Variants in COLEC12 observed in about 807,000 individuals in gnomAD.
The protein encoded by COLEC12 is collectin subfamily member 12.
Under a neutral mutation model 71.1 loss-of-function variants are expected in COLEC12, and 33 were observed. The observed-to-expected ratio is 0.46, with a 90% CI of 0.35 to 0.62. COLEC12 has a LOEUF of 0.62. Ranked by LOEUF, COLEC12 falls within the 20% of genes least tolerant of loss-of-function variation. The pLI is 0.00. For missense variants in COLEC12, 765 were observed against 916.1 expected (o/e 0.84, Z 2.13); for synonymous variants, 350 against 353.0 (o/e 0.99, Z 0.10).
rs1319178334 is a variant in COLEC12 at position 362,225 on chromosome 18, G to A, written c.59-4703C>T. Reference sequence around the variant, plus strand: ...AAGAGCTGGGGCACTTCCTCACCGTGTGCATTTCTCACTGCTGACTCTATC... The same window carrying A: ...AAGAGCTGGGGCACTTCCTCACCGTATGCATTTCTCACTGCTGACTCTATC... On this transcript the variant is annotated intron_variant, in intron 2 of 9. Transcript: ENST00000400256. This position sits in a 1 kb window ranked among gnomAD's most constrained non-coding sequence, Gnocchi z 4.6. Among the ~76,000 whole-genome samples the A allele has an allele frequency of 6.6e-6, 1 of 152,156 alleles. No individual in the cohort carries two copies. Among genetic ancestry groups the A allele is most frequent in the African/African-American group, 2.4e-5 (1 of 41,428 alleles).
chr18:432,954 G>A (rs553748868), intron 2 of COLEC12, among the ~76,000 whole-genome samples: 15 of 152,272 alleles, frequency 9.9e-5, no homozygotes, highest in Non-Finnish European at 1.2e-4. Flanking sequence ...GGAAGTTTTG[G>A]AGTATTGTGC....
intron 5 of COLEC12, among the ~76,000 whole-genome samples, chr18:344,123 AT>A (rs950833126): frequency 1.3e-5 from 2 of 151,376 alleles, no homozygotes; most frequent in Non-Finnish European, 1.5e-5. Flanking sequence ...TTGTCTAAGA[AT>A]TTTTTTTTAA....
At chr18:441,617 T>C (rs1185357068) in intron 2 of COLEC12, among the ~76,000 whole-genome samples, 3 of 152,178 alleles carry the variant, frequency 2.0e-5, no homozygotes, top group Admixed American at 2.0e-4. Flanking sequence ...TTCCTTTTAC[T>C]AGTGAATATG....
chr18:427,284 A>G (rs1378541804), intron 2 of COLEC12, among the ~76,000 whole-genome samples: 2 of 152,218 alleles, frequency 1.3e-5, no homozygotes, highest in African/African-American at 4.8e-5. Flanking sequence ...GAGTCAGCAG[A>G]CAACACGGTT....
chr18:383,465 A>G (rs1915277360), intron 2 of COLEC12, among the ~76,000 whole-genome samples: 1 of 152,162 alleles, frequency 6.6e-6, no homozygotes, highest in African/African-American at 2.4e-5. Flanking sequence ...ATACAATAAT[A>G]CCTGCCAGAA....
chr18:356,963 G>C (rs983126841), intron 3 of COLEC12, among the ~76,000 whole-genome samples: 1 of 152,166 alleles, frequency 6.6e-6, no homozygotes, highest in Non-Finnish European at 1.5e-5. Context: ...AAGGGAATTA[G>C]TTGGCCGATC....
At chr18:363,065 C>T (rs1052803461) in intron 2 of COLEC12, among the ~76,000 whole-genome samples, 2 of 151,888 alleles carry the variant, frequency 1.3e-5, no homozygotes, top group Non-Finnish European at 2.9e-5. Context: ...ATCAGTGAGC[C>T]GTTTGCTGGT....
Position 319,340 on chromosome 18 carries a change from A to AT in COLEC12, c.*704_*705insA, listed in dbSNP as rs56832134. On this transcript the variant is annotated 3_prime_UTR_variant, in exon 10 of 10. Coordinates refer to ENST00000400256, the MANE Select transcript of COLEC12 (RefSeq NM_130386.3). ...AAACATTAAAAAAAAAAAAAAAAAAAAATATATATATATATATATATATAC... is the reference window on the plus strand; with the variant it reads ...AAACATTAAAAAAAAAAAAAAAAAAATAATATATATATATATATATATATAC... 0.013 allele frequency: 428 copies of AT among 33,076 alleles called. 1 individual carries two copies. Among genetic ancestry groups the AT allele is most frequent in the African/African-American group, 0.026 (360 of 13,826 alleles). 2.0% of individuals were successfully genotyped at this position (33,076 alleles called of 1,614,324 possible).
At chr18:358,988 T>C (rs1013755752) in intron 2 of COLEC12, among the ~76,000 whole-genome samples, 1 of 152,208 alleles carries the variant, frequency 6.6e-6, no homozygotes, top group African/African-American at 2.4e-5. Context: ...AATTCCATTA[T>C]GATAATTACG....
rs191592202 is a variant in COLEC12, at chr18:464,554, C to G, written c.58+16153G>C. On this transcript the variant is annotated intron_variant, in intron 2 of 9. Transcript: ENST00000400256. ...CCTCTTTACTGCTTTCTCTGAATCA[C>G]TGGTTCCCCCCACTTTCTGCAGAAT... 4.2e-3 allele frequency among the ~76,000 whole-genome samples: 633 copies of G among 152,340 alleles called. 5 individuals carry two copies. Among genetic ancestry groups the G allele is most frequent in the African/African-American group, 0.015 (603 of 41,574 alleles).
chr18:464,204 C>G (rs1451973256), intron 2 of COLEC12, among the ~76,000 whole-genome samples: 1 of 152,200 alleles, frequency 6.6e-6, no homozygotes, highest in Non-Finnish European at 1.5e-5. Flanking sequence ...TTGTTCCATG[C>G]GAGTCACTTT....
chr18:325,549 C>A (rs2143413357), intron 8 of COLEC12, among the ~76,000 whole-genome samples: 1 of 151,122 alleles, frequency 6.6e-6, no homozygotes, highest in South Asian at 2.1e-4. Context: ...GTCTAGCAGG[C>A]AGCCTCCATT....
At chr18:359,904 GAA>G (rs889549841) in intron 2 of COLEC12, among the ~76,000 whole-genome samples, 16 of 152,308 alleles carry the variant, frequency 1.1e-4, no homozygotes, top group African/African-American at 2.6e-4. Flanking sequence ...CTTCTTCAGT[GAA>G]AAGAGTTCTT....
intron 2 of COLEC12, among the ~76,000 whole-genome samples, chr18:374,109 G>A (rs7236940): frequency 0.13 from 19,494 of 152,166 alleles, 1,467 homozygotes; most frequent in East Asian, 0.26. Context: ...AGCGGCATAT[G>A]AGAATAAATG....
At chr18:393,263 G>A (rs1254766579) in intron 2 of COLEC12, among the ~76,000 whole-genome samples, 2 of 152,202 alleles carry the variant, frequency 1.3e-5, no homozygotes, top group East Asian at 1.9e-4. Context: ...ATCCCATCTT[G>A]AGCCTCTGAA....
chr18:394,859 T>C (rs1915535768), intron 2 of COLEC12, among the ~76,000 whole-genome samples: 1 of 152,116 alleles, frequency 6.6e-6, no homozygotes. Context: ...GTACAAATAA[T>C]GAGAAGCTTC....
chr18:498,182 G>A (rs1336133419), intron 1 of COLEC12, among the ~76,000 whole-genome samples: 1 of 152,016 alleles, frequency 6.6e-6, no homozygotes, highest in African/African-American at 2.4e-5. Context: ...TACTCTCAGG[G>A]CTGTTGAGAG....
At chr18:343,479 C>T (rs1049275208) in intron 5 of COLEC12, among the ~76,000 whole-genome samples, 6 of 152,130 alleles carry the variant, frequency 3.9e-5, no homozygotes, top group South Asian at 2.1e-4. Flanking sequence ...ACAGCTGGTC[C>T]GTGCTCTCGG....
intron 2 of COLEC12, among the ~76,000 whole-genome samples, chr18:378,643 T>C (rs1747313649): frequency 1.3e-5 from 2 of 152,224 alleles, no homozygotes; most frequent in Admixed American, 6.5e-5. Context: ...GGTAGATATC[T>C]AGCTCCTTAC....
Sources: allele counts gnomAD v4.1 joint callset (sites outside exome capture counted in the v4.1 genomes callset), GRCh38; gene constraint gnomAD v4.1.1; non-coding constraint Gnocchi (gnomAD v3.1); transcripts MANE v1.5; gene names NCBI Gene and HGNC (gene_info 2026-07-23, HGNC 2026-07-21).